Variants in DTL observed in about 807,000 individuals in gnomAD.
DTL encodes denticleless protein homolog.
Under a neutral mutation model 87.0 loss-of-function variants are expected in DTL, and 46 were observed. The observed-to-expected ratio is 0.53, with a 90% CI of 0.42 to 0.68. The LOEUF is 0.68. Ranked by LOEUF, DTL falls within the 30% of genes least tolerant of loss-of-function variation. The pLI is 0.00. For synonymous variants in DTL, 308 were observed against 311.2 expected (o/e 0.99, Z 0.11); for missense variants, 737 against 869.4 (o/e 0.85, Z 1.91).
At chr1:212,083,451 C>G (rs1372366469) in intron 13 of DTL, among the ~76,000 whole-genome samples, 1 of 152,036 alleles carries the variant, frequency 6.6e-6, no homozygotes, top group Non-Finnish European at 1.5e-5. Context: ...AAATGTGGTA[C>G]TAGCAGTGGA....
intron 10 of DTL, 48 bp downstream of exon 10, chr1:212,068,751 CTT>C: frequency 1.6e-6 from 2 of 1,221,108 alleles, no homozygotes; most frequent in Non-Finnish European, 2.4e-6. Flanking sequence ...GCATTATGGG[CTT>C]TTTTTGGTAA....
Position 212,068,693 on chromosome 1 carries a change from G to T in DTL, c.912G>T (p.Lys304Asn), listed in dbSNP as rs1176149507. ...NIYMFNMTGL[K>N]TSPVAIFNGH... is the part of the protein sequence containing the mutation. ...ACATGTTTAATATGACTGGGTTGAA[G>T]ACTTCTCCAGGTAAGATATTAGTCA... Residue 304 changes from lysine (K) to asparagine (N), a missense_variant, in exon 10 of 15, where the codon AAG becomes AAT. Lys to Asn is a moderately conservative substitution (Grantham distance 94, BLOSUM62 0). Coordinates refer to ENST00000366991, the MANE Select transcript of DTL (RefSeq NM_016448.4). The T allele has an allele frequency of 6.3e-7, 1 of 1,599,736 alleles. No homozygotes were observed. Among genetic ancestry groups the T allele is most frequent in the East Asian group, 2.2e-5 (1 of 44,674 alleles).
intron 5 of DTL, among the ~76,000 whole-genome samples, chr1:212,055,232 A>G (rs150628558): frequency 2.5e-4 from 37 of 150,450 alleles, no homozygotes; most frequent in African/African-American, 8.8e-4. Context: ...GAGGCTTCCT[A>G]TGCAGGGACA....
intron 10 of DTL, among the ~76,000 whole-genome samples, chr1:212,070,209 T>C (rs1654630613): frequency 6.6e-6 from 1 of 152,222 alleles, no homozygotes; most frequent in South Asian, 2.1e-4. Flanking sequence ...GAGTTTAGTG[T>C]CCTGCTGTCC....
At chr1:212,048,753 A>G (rs1413771862) in intron 5 of DTL, among the ~76,000 whole-genome samples, 1 of 151,876 alleles carries the variant, frequency 6.6e-6, no homozygotes, top group Non-Finnish European at 1.5e-5. Flanking sequence ...GAGTCTCTGA[A>G]GTAATCTGAC....
chr1:212,098,907 T>G (rs989448239), intron 13 of DTL, among the ~76,000 whole-genome samples: 4 of 152,118 alleles, frequency 2.6e-5, no homozygotes, highest in African/African-American at 9.7e-5. Context: ...CACTTCCTAT[T>G]TGTCCCATCC....
intron 10 of DTL, among the ~76,000 whole-genome samples, chr1:212,071,216 C>G (rs1654660082): frequency 6.6e-6 from 1 of 152,172 alleles, no homozygotes; most frequent in African/African-American, 2.4e-5. Flanking sequence ...TTATGGGAAG[C>G]TGTTAAGTCC....
In DTL at chr1:212,103,855, A is replaced by T. The variant is rs1655697134; in HGVS notation, c.*915A>T. 6.6e-6 allele frequency: 1 copy of T among 152,224 alleles called. No homozygotes were observed. The highest frequency in any genetic ancestry group is 1.5e-5 in the Non-Finnish European group (1 of 68,034). 9.4% of individuals were successfully genotyped at this position (152,224 alleles called of 1,614,324 possible). On this transcript the variant is annotated 3_prime_UTR_variant, in exon 15 of 15. Transcript: ENST00000366991. ...GTCATCAGATTTTAAGAAAAAAGTGATGATTTCTTATTGATATTTTTGTAA... is the reference window on the plus strand; with the variant it reads ...GTCATCAGATTTTAAGAAAAAAGTGTTGATTTCTTATTGATATTTTTGTAA...
At position 212,088,930 on chromosome 1, in the gene DTL, T is replaced by G. The variant is rs376984692; in HGVS notation, c.1261+8180T>G. 5.3e-5 allele frequency among the ~76,000 whole-genome samples: 8 copies of G among 151,954 alleles called. No homozygotes were observed. In the East Asian group the frequency reaches 1.5e-3, roughly 29 times the overall value. On this transcript the variant is annotated intron_variant, in intron 13 of 14. Coordinates refer to ENST00000366991, the MANE Select transcript of DTL (RefSeq NM_016448.4). ...GGCAAAACCCCATCTCTACTAAAAA[T>G]ACAAAATTAGCTAGGCATGGTGGCA...
intron 8 of DTL, 65 bp from the exon 9 acceptor site, chr1:212,068,159 G>C: frequency 1.0e-6 from 1 of 972,966 alleles, no homozygotes; most frequent in Admixed American, 2.2e-5. Flanking sequence ...TTCACATTTA[G>C]TGTAGTTGAA....
At chr1:212,080,280 A>G (rs1292882071) in intron 12 of DTL, 3 of 169,806 alleles carry the variant, frequency 1.8e-5, no homozygotes, top group African/African-American at 7.2e-5. Context: ...ATTTAACAGA[A>G]GAGTAAAAAG....
At chr1:212,079,017 A>G (rs551358931) in intron 12 of DTL, among the ~76,000 whole-genome samples, 5 of 152,052 alleles carry the variant, frequency 3.3e-5, no homozygotes, top group Admixed American at 2.0e-4. Flanking sequence ...TTTGTTGCCT[A>G]TTGTTCCCAT....
intron 2 of DTL, among the ~76,000 whole-genome samples, chr1:212,043,522 C>G (rs945179646): frequency 5.3e-5 from 8 of 152,036 alleles, no homozygotes; most frequent in Non-Finnish European, 1.0e-4. Context: ...CACCTAAAAT[C>G]CCAGCACTTT....
At position 212,044,586 on chromosome 1, in the gene DTL, G is replaced by C. The variant is rs183340554; in HGVS notation, c.179-74G>C. The stretch of plus-strand genomic sequence containing the variant: ...CTATTGCACTCCAGTCTGGGTGACA[G>C]AGCAAGACTCCGTCTGAAAAAAAAA... On this transcript the variant is annotated intron_variant, in intron 2 of 14. Coordinates refer to ENST00000366991, the MANE Select transcript of DTL (RefSeq NM_016448.4). The C allele has an allele frequency of 1.9e-5, 17 of 904,786 alleles. No individual in the cohort carries two copies. The Admixed American group carries it at 3.8e-4, about 20-fold the overall frequency. The allele number at this position is 904,786 out of a possible 1,614,324, so 56.0% of individuals were successfully genotyped here.
intron 5 of DTL, among the ~76,000 whole-genome samples, chr1:212,058,863 T>C (rs1424189040): frequency 6.6e-6 from 1 of 151,940 alleles, no homozygotes; most frequent in Non-Finnish European, 1.5e-5. Flanking sequence ...ACATTGCAAC[T>C]GATAATACAG....
At chr1:212,090,265 C>A (rs1655245422) in intron 13 of DTL, among the ~76,000 whole-genome samples, 1 of 152,130 alleles carries the variant, frequency 6.6e-6, no homozygotes, top group Non-Finnish European at 1.5e-5. Context: ...TTCTCTCTCT[C>A]AAGGCAAGAC....
intron 2 of DTL, 139 bp from the exon 3 acceptor site, chr1:212,044,521 T>G (rs557063338): frequency 1.8e-6 from 1 of 544,444 alleles, no homozygotes; most frequent in African/African-American, 1.9e-5. Flanking sequence ...GGAGAATCAC[T>G]TGAACCCAGG....
At chr1:212,058,350 G>A (rs1668242487) in intron 5 of DTL, among the ~76,000 whole-genome samples, 1 of 151,928 alleles carries the variant, frequency 6.6e-6, no homozygotes, top group Non-Finnish European at 1.5e-5. Flanking sequence ...AATAATATCA[G>A]GAATCTTCTC....
chr1:212,044,554 A>C, intron 2 of DTL, 106 bp from the exon 3 acceptor site: 2 of 640,292 alleles, frequency 3.1e-6, no homozygotes, highest in Non-Finnish European at 5.4e-6. Flanking sequence ...CAGTGAGCCA[A>C]ACTGCACTAT....
Sources: allele counts gnomAD v4.1 joint callset (sites outside exome capture counted in the v4.1 genomes callset), GRCh38; gene constraint gnomAD v4.1.1; transcripts MANE v1.5; gene names NCBI Gene and HGNC (gene_info 2026-07-23, HGNC 2026-07-21).